Variants in RBFOX1 observed in about 807,000 individuals in gnomAD.
RBFOX1 encodes the protein RNA binding fox-1 homolog 1.
Under a neutral mutation model 57.7 loss-of-function variants are expected in RBFOX1, and 8 were observed. The observed-to-expected ratio is 0.14, with a 90% CI of 0.08 to 0.25. RBFOX1 has a LOEUF of 0.25. Among genes scored for constraint, RBFOX1 ranks in the 10% least tolerant of loss-of-function variants. The pLI is 1.00. For synonymous variants in RBFOX1, 326 were observed against 222.4 expected, an observed-to-expected ratio of 1.47 and a Z score of -4.15; for missense variants, 611 against 548.5, an observed-to-expected ratio of 1.11 and a Z score of -1.14.
chr16:7,474,026 C>G (rs1257978901), intron 4 of RBFOX1, among the ~76,000 whole-genome samples: 2 of 152,136 alleles, frequency 1.3e-5, no homozygotes, highest in Admixed American at 1.3e-4. Context: ...TGGTGGCTCA[C>G]GCCTGTGGTC....
chr16:7,009,414 C>T (rs185515349), intron 3 of RBFOX1, among the ~76,000 whole-genome samples: 2 of 151,816 alleles, frequency 1.3e-5, no homozygotes, highest in African/African-American at 4.8e-5. Flanking sequence ...TGTGACAAAT[C>T]CACAGGCCTT....
chr16:7,368,265 G>GAA (rs111544738), intron 4 of RBFOX1, among the ~76,000 whole-genome samples: 2 of 118,504 alleles, frequency 1.7e-5, no homozygotes, highest in Non-Finnish European at 1.8e-5. Context: ...AGACTGTCTC[G>GAA]AAAAAAAAAA....
intron 1 of RBFOX1, among the ~76,000 whole-genome samples, chr16:6,107,847 ATAAT>A (rs916331055): frequency 2.0e-5 from 3 of 152,178 alleles, no homozygotes; most frequent in Non-Finnish European, 4.4e-5. Context: ...TGAGAAGGAA[ATAAT>A]TAATAGTTGA....
At chr16:7,542,393 C>G (rs546026583) in intron 5 of RBFOX1, among the ~76,000 whole-genome samples, 71 of 152,178 alleles carry the variant, frequency 4.7e-4, no homozygotes, top group African/African-American at 1.5e-3. Flanking sequence ...CTGGATTACC[C>G]GGGTCTGCAG....
intron 3 of RBFOX1, among the ~76,000 whole-genome samples, chr16:6,691,573 A>T (rs909540854): frequency 2.0e-5 from 3 of 152,098 alleles, no homozygotes; most frequent in Admixed American, 6.6e-5. Flanking sequence ...GTATCATTTG[A>T]TATCATCTTT....
intron 3 of RBFOX1, among the ~76,000 whole-genome samples, chr16:6,659,276 A>G (rs1023717934): frequency 1.3e-5 from 2 of 151,822 alleles, no homozygotes; most frequent in Non-Finnish European, 2.9e-5. Context: ...CTTCTCACTT[A>G]TCGCCTGGCC....
intron 4 of RBFOX1, among the ~76,000 whole-genome samples, chr16:7,491,451 C>T (rs531136707): frequency 7.2e-6 from 1 of 138,244 alleles, no homozygotes; most frequent in Admixed American, 7.7e-5. Flanking sequence ...GGACTAGACA[C>T]ACCAAACATC....
At chr16:5,904,081 C>T (rs940573834) in intron 4 of RBFOX1, among the ~76,000 whole-genome samples, 5 of 152,108 alleles carry the variant, frequency 3.3e-5, no homozygotes, top group Non-Finnish European at 7.3e-5. Context: ...TTCCCTGCTC[C>T]CCTGTGTCAT....
At chr16:6,339,887 C>A (rs917646) in intron 2 of RBFOX1, among the ~76,000 whole-genome samples, 1 of 151,716 alleles carries the variant, frequency 6.6e-6, no homozygotes, top group East Asian at 1.9e-4. Context: ...CCATCTTGGC[C>A]AGGCTGGTCT....
chr16:6,713,955 C>T (rs964390100), intron 3 of RBFOX1, among the ~76,000 whole-genome samples: 8 of 152,206 alleles, frequency 5.3e-5, no homozygotes, highest in African/African-American at 1.7e-4. Flanking sequence ...CAATAATTCA[C>T]ATGAAAGTAG....
At chr16:6,157,744 G>C (rs1459889637) in intron 1 of RBFOX1, among the ~76,000 whole-genome samples, 1 of 152,028 alleles carries the variant, frequency 6.6e-6, no homozygotes, top group Non-Finnish European at 1.5e-5. Context: ...TGAATGTATA[G>C]GTTTAAATAA....
intron 3 of RBFOX1, among the ~76,000 whole-genome samples, chr16:6,673,048 A>G (rs2098777279): frequency 6.6e-6 from 1 of 152,220 alleles, no homozygotes; most frequent in Non-Finnish European, 1.5e-5. Context: ...CTCCCTGAAG[A>G]AAAACCACAG....
chr16:5,552,849 A>G (rs1006373917), intron 2 of RBFOX1, among the ~76,000 whole-genome samples: 16 of 151,952 alleles, frequency 1.1e-4, no homozygotes, highest in African/African-American at 3.6e-4. Flanking sequence ...AAACGAGGGA[A>G]AAGGGAGAAG....
chr16:7,019,304 G>T (rs1395473634), intron 3 of RBFOX1, among the ~76,000 whole-genome samples: 4 of 152,074 alleles, frequency 2.6e-5, no homozygotes, highest in Non-Finnish European at 5.9e-5. Flanking sequence ...TGATGTTTAG[G>T]ATGAAAAGGG....
chr16:6,897,063 G>C (rs117506101), intron 3 of RBFOX1, among the ~76,000 whole-genome samples: 2 of 152,152 alleles, frequency 1.3e-5, no homozygotes, highest in Non-Finnish European at 2.9e-5. Context: ...CTTCCTGAAT[G>C]CTGGCAGCAC....
At chr16:5,641,061 C>G (rs1358026148) in intron 3 of RBFOX1, among the ~76,000 whole-genome samples, 1 of 150,542 alleles carries the variant, frequency 6.6e-6, no homozygotes, top group Non-Finnish European at 1.5e-5. Context: ...CACATACACC[C>G]ATGCACACCA....
chr16:6,840,237 C>T (rs1290625537), intron 3 of RBFOX1, among the ~76,000 whole-genome samples: 1 of 152,116 alleles, frequency 6.6e-6, no homozygotes, highest in African/African-American at 2.4e-5. Flanking sequence ...TTCTTTAAAG[C>T]TTTGTCCATC....
At chr16:5,442,891 C>T (rs1027510079) in intron 1 of RBFOX1, among the ~76,000 whole-genome samples, 4 of 152,148 alleles carry the variant, frequency 2.6e-5, no homozygotes, top group Non-Finnish European at 5.9e-5. Flanking sequence ...TGAGATGACC[C>T]TGCATTTAAG....
At chr16:6,658,610 T>C (rs1249992660) in intron 3 of RBFOX1, among the ~76,000 whole-genome samples, 2 of 152,172 alleles carry the variant, frequency 1.3e-5, no homozygotes, top group Non-Finnish European at 2.9e-5. Context: ...ATTTTTATCC[T>C]CTCCTGTTTT....
Sources: gnomAD v4.1 joint callset for allele counts (sites outside exome capture counted in the v4.1 genomes callset) on GRCh38, gnomAD v4.1.1 for gene constraint, MANE v1.5 for transcripts, NCBI Gene and HGNC (gene_info 2026-07-23, HGNC 2026-07-21) for gene names.